The following MORF4L1 variants were observed in gnomAD, a reference collection of about 807,000 sequenced individuals.
The protein encoded by MORF4L1 is mortality factor 4 like 1.
Under a neutral mutation model 52.9 loss-of-function variants are expected in MORF4L1, and 4 were observed. That is an observed-to-expected ratio of 0.08 (90% CI 0.04 to 0.17). The LOEUF (loss-of-function observed/expected upper bound fraction) is 0.17, where lower values mean the gene tolerates loss of function less well. Among genes scored for constraint, MORF4L1 ranks in the 10% least tolerant of loss-of-function variants. The pLI is 1.00. For missense variants in MORF4L1, 214 were observed against 390.4 expected (o/e 0.55, Z 3.81); for synonymous variants, 123 against 134.8 (o/e 0.91, Z 0.61).
At chr15:78,894,639 C>A in intron 10 of MORF4L1, 181 bp from the exon 11 acceptor site, 1 of 567,370 alleles carries the variant, frequency 1.8e-6, no homozygotes, top group Non-Finnish European at 3.2e-6. Flanking sequence ...GAATACCTGA[C>A]CTCAAGCGAT....
intron 7 of MORF4L1, 134 bp from the exon 8 acceptor site, chr15:78,892,078 A>T (rs572124782): frequency 6.5e-5 from 33 of 511,536 alleles, no homozygotes; most frequent in Admixed American, 5.1e-4. Context: ...TAATGATTTT[A>T]AAAAATGACA....
chr15:78,884,469 G>C (rs988946769), intron 3 of MORF4L1, among the ~76,000 whole-genome samples: 2 of 151,574 alleles, frequency 1.3e-5, no homozygotes, highest in African/African-American at 4.9e-5. Flanking sequence ...GAGAAACCCT[G>C]TCTGTACTAA....
At chr15:78,880,438 T>C (rs1441002166) in intron 2 of MORF4L1, 74 bp from the exon 3 acceptor site, 10 of 1,090,376 alleles carry the variant, frequency 9.2e-6, no homozygotes, top group Non-Finnish European at 1.4e-5. Flanking sequence ...TAGAGTGTCT[T>C]TGAAGGATGA....
intron 8 of MORF4L1, chr15:78,892,915 G>T (rs1567316816): frequency 6.5e-6 from 1 of 153,364 alleles, no homozygotes. Context: ...TACAGTATGT[G>T]GATATAGTTT....
rs372850152 is a variant in MORF4L1 at position 78,876,207 on chromosome 15, A to G, written c.41-2006A>G. ...TACTTCGCCGTCGCAAAGTTCTGGGATTACAGGTGCGAGCCACCGCGCCCG... is the reference window on the plus strand; with the variant it reads ...TACTTCGCCGTCGCAAAGTTCTGGGGTTACAGGTGCGAGCCACCGCGCCCG... On this transcript the variant is annotated intron_variant, in intron 1 of 11. Coordinates refer to ENST00000426013, the MANE Select transcript of MORF4L1 (RefSeq NM_006791.4). Among the ~76,000 whole-genome samples the G allele has an allele frequency of 2.6e-5, 4 of 151,698 alleles. 1 individual carries two copies. Among genetic ancestry groups the G allele is most frequent in the African/African-American group, 9.7e-5 (4 of 41,342 alleles).
intron 1 of MORF4L1, among the ~76,000 whole-genome samples, chr15:78,875,168 A>G (rs939733779): frequency 6.6e-6 from 1 of 152,194 alleles, no homozygotes; most frequent in Non-Finnish European, 1.5e-5. Context: ...TGTATTTATG[A>G]AACTATTAGG....
intron 11 of MORF4L1, among the ~76,000 whole-genome samples, chr15:78,896,518 A>G (rs745734676): frequency 2.0e-5 from 3 of 151,896 alleles, no homozygotes; most frequent in Admixed American, 6.6e-5. Context: ...CACTTTGGTC[A>G]GGCTGGTCTT....
At chr15:78,888,615 G>A (rs577070208) in intron 5 of MORF4L1, among the ~76,000 whole-genome samples, 79 of 151,994 alleles carry the variant, frequency 5.2e-4, no homozygotes, top group South Asian at 5.0e-3. Flanking sequence ...TAAAAGTAAG[G>A]TGTTACACCC....
intron 1 of MORF4L1, 105 bp downstream of exon 1, chr15:78,873,162 G>A: frequency 6.5e-7 from 1 of 1,537,020 alleles, no homozygotes; most frequent in Non-Finnish European, 8.8e-7. Flanking sequence ...GCTGCGCCCT[G>A]AGAAGGCGGC....
chr15:78,888,976 A>G (rs1438919756), intron 5 of MORF4L1, among the ~76,000 whole-genome samples: 2 of 152,194 alleles, frequency 1.3e-5, no homozygotes, highest in Non-Finnish European at 2.9e-5. Flanking sequence ...AATTTTCTCT[A>G]TATAGAAAAG....
At position 78,886,240 on chromosome 15, in the gene MORF4L1, T is replaced by A. The variant is rs2056700849; in HGVS notation, c.242+13T>A. The A allele has an allele frequency of 6.3e-7, 1 of 1,598,956 alleles. No individual in the cohort carries two copies. The highest frequency in any genetic ancestry group is 8.6e-7 in the Non-Finnish European group (1 of 1,166,156). ...AAAAAGCCAATCAGTAAGTTTGTTT[T>A]GTGAACTGAATATTAAGGAGAAATG... On this transcript the variant is annotated intron_variant, in intron 4 of 11. Coordinates refer to ENST00000426013, the MANE Select transcript of MORF4L1 (RefSeq NM_006791.4).
At chr15:78,893,128 G>A (rs1358767636) in intron 8 of MORF4L1, 1 of 156,462 alleles carries the variant, frequency 6.4e-6, no homozygotes, top group Non-Finnish European at 1.4e-5. Flanking sequence ...TAATGCTTTA[G>A]ACTAGATCTA....
chr15:78,884,772 T>C (rs922712933), intron 3 of MORF4L1, among the ~76,000 whole-genome samples: 2 of 152,190 alleles, frequency 1.3e-5, no homozygotes, highest in African/African-American at 4.8e-5. Flanking sequence ...AATCCCTAAA[T>C]TGGAATTCTC....
intron 2 of MORF4L1, 62 bp downstream of exon 2, chr15:78,878,321 A>G (rs2056534106): frequency 1.1e-5 from 16 of 1,477,798 alleles, no homozygotes; most frequent in Non-Finnish European, 1.5e-5. Flanking sequence ...TGGCCATTTA[A>G]TATACAAGTA....
At position 78,897,953 on chromosome 15, in the gene MORF4L1, T is replaced by C. The variant is rs890870270; in HGVS notation, c.*886T>C. ...AAAGTTAGAAGTTTACATGACTGTT[T>C]TTTTTATTTTCCCTAAATTATTACT... On this transcript the variant is annotated 3_prime_UTR_variant, in exon 12 of 12. Transcript: ENST00000426013. The C allele has an allele frequency of 1.3e-5, 2 of 152,230 alleles. No individual in the cohort carries two copies. The highest frequency in any genetic ancestry group is 1.5e-5 in the Non-Finnish European group (1 of 68,040). The allele number at this position is 152,230 out of a possible 1,614,324, so 9.4% of individuals were successfully genotyped here.
intron 1 of MORF4L1, chr15:78,877,969 T>C: frequency 2.5e-6 from 1 of 398,532 alleles, no homozygotes; most frequent in Non-Finnish European, 4.5e-6. Context: ...AGGTGATAGA[T>C]GATTTGATTA....
At chr15:78,887,480 G>T (rs1024758743) in intron 5 of MORF4L1, 131 bp downstream of exon 5, 4 of 703,196 alleles carry the variant, frequency 5.7e-6, no homozygotes, top group Admixed American at 3.2e-5. Context: ...CATTCCTCAG[G>T]TATCAGGTCG....
At chr15:78,892,366 CAA>C in intron 8 of MORF4L1, 53 bp downstream of exon 8, 1 of 1,336,772 alleles carries the variant, frequency 7.5e-7, no homozygotes, top group South Asian at 1.3e-5. Flanking sequence ...TTCTTGCTAG[CAA>C]AAAAAGTTTT....
intron 3 of MORF4L1, among the ~76,000 whole-genome samples, chr15:78,882,626 G>GT (rs2056622946): frequency 6.6e-6 from 1 of 152,096 alleles, no homozygotes; most frequent in African/African-American, 2.4e-5. Flanking sequence ...TCCAGATAAA[G>GT]TTGAGAGTGT....
Sources: gnomAD v4.1 joint callset for allele counts (sites outside exome capture counted in the v4.1 genomes callset) on GRCh38, gnomAD v4.1.1 for gene constraint, MANE v1.5 for transcripts, NCBI Gene and HGNC (gene_info 2026-07-23, HGNC 2026-07-21) for gene names.